The following RBFOX3 variants were observed in gnomAD, a reference collection of about 807,000 sequenced individuals.
The protein encoded by RBFOX3 is RNA binding protein fox-1 homolog 3.
A neutral mutation model predicts 48.7 loss-of-function variants in RBFOX3; 17 were observed. That is an observed-to-expected ratio of 0.35 (90% CI 0.24 to 0.52). The LOEUF is 0.52. RBFOX3 is among the 20% of genes least tolerant of loss of function. RBFOX3 has a pLI of 0.94. For synonymous variants in RBFOX3, 212 were observed against 209.5 expected (o/e 1.01, Z -0.10); for missense variants, 382 against 497.5 (o/e 0.77, Z 2.21).
chr17:79,113,910 G>A (rs990463489), intron 5 of RBFOX3, among the ~76,000 whole-genome samples: 6 of 152,160 alleles, frequency 3.9e-5, no homozygotes, highest in Non-Finnish European at 8.8e-5. Flanking sequence ...TGTGTCTGGT[G>A]GCCCCAGGTG....
In RBFOX3 at chr17:79,449,968, TA is replaced by T. The variant is rs535745724; in HGVS notation, c.-175+32485del. 4.5e-3 allele frequency among the ~76,000 whole-genome samples: 684 copies of T among 152,160 alleles called. 7 individuals are homozygous for T. The highest frequency in any genetic ancestry group is 0.016 in the African/African-American group (653 of 41,518). On this transcript the variant is annotated intron_variant, in intron 2 of 14. Transcript: ENST00000693108. ...TAATCACAGCTATCTCGTTTCCCAC[TA>T]GGGGGGAAGATGTTAGCACAGTGGA...
chr17:79,275,007 C>T lies in RBFOX3; in HGVS notation c.-74+32717G>A, dbSNP rs530668230. ...CCCCCGTCCCACCTCCATCATCCAC[C>T]AGCCCCAGAGCTAGGAGCCAAACTG... is the stretch of plus-strand genomic sequence containing the variant. On this transcript the variant is annotated intron_variant, in intron 3 of 14. Coordinates refer to ENST00000693108, the MANE Select transcript of RBFOX3 (RefSeq NM_001350451.2). Among the ~76,000 whole-genome samples, 3 of 149,534 alleles carry T rather than the reference C, an allele frequency of 2.0e-5. No homozygotes were observed. In the East Asian group the frequency reaches 6.0e-4, roughly 30 times the overall value.
chr17:79,624,260 C>T, the RBFOX3 span, among the ~76,000 whole-genome samples: 1 of 152,234 alleles, frequency 6.6e-6, no homozygotes, highest in East Asian at 1.9e-4. Context: ...TCTCCTTCCC[C>T]GAGACCCGTC....
Position 79,416,158 on chromosome 17 carries a change from C to T in RBFOX3, c.-175+66296G>A, listed in dbSNP as rs1433418460. Among the ~76,000 whole-genome samples the T allele has an allele frequency of 2.6e-5, 4 of 152,216 alleles. No homozygotes were observed. The East Asian group carries it at 7.7e-4, about 29-fold the overall frequency. On this transcript the variant is annotated intron_variant, in intron 2 of 14. Coordinates refer to ENST00000693108, the MANE Select transcript of RBFOX3 (RefSeq NM_001350451.2). ...CCCCCACAAGGCCAAGGGCTGCCAC[C>T]TGCACGGACAGGTCTCAGCTCACCT...
intron 2 of RBFOX3, among the ~76,000 whole-genome samples, chr17:79,312,516 AGT>A (rs1164893863): frequency 6.6e-6 from 1 of 151,996 alleles, no homozygotes; most frequent in Non-Finnish European, 1.5e-5. Flanking sequence ...GGAATGTCTG[AGT>A]GAGGATACTA....
chr17:79,396,087 A>G (rs1334469130), intron 2 of RBFOX3, among the ~76,000 whole-genome samples: 3 of 152,232 alleles, frequency 2.0e-5, no homozygotes, highest in African/African-American at 7.2e-5. Flanking sequence ...AACTCTGAGC[A>G]TCTCAAAAGT....
At chr17:79,125,780 T>C (rs115605026) in intron 4 of RBFOX3, among the ~76,000 whole-genome samples, 4,300 of 152,114 alleles carry the variant, frequency 0.028, 199 homozygotes, top group African/African-American at 0.096. Flanking sequence ...GTGAGGCTGG[T>C]GGCGAGGCTG....
chr17:79,574,599 T>C (rs894269428), intron 1 of RBFOX3, among the ~76,000 whole-genome samples: 2 of 152,226 alleles, frequency 1.3e-5, no homozygotes, highest in Admixed American at 6.5e-5. Flanking sequence ...AGAAAACTCA[T>C]GAATAATCCA....
intron 1 of RBFOX3, among the ~76,000 whole-genome samples, chr17:79,589,248 C>T (rs1054522168): frequency 2.1e-3 from 320 of 152,264 alleles, no homozygotes; most frequent in African/African-American, 7.4e-3. Context: ...TGGGTGTGGA[C>T]TCCGCAGGTG....
intron 2 of RBFOX3, among the ~76,000 whole-genome samples, chr17:79,356,778 A>T (rs1332537012): frequency 6.6e-6 from 1 of 152,130 alleles, no homozygotes; most frequent in Non-Finnish European, 1.5e-5. Flanking sequence ...GAGAGAGACC[A>T]AAGGTAAGAA....
chr17:79,382,809 C>T (rs371714651), intron 2 of RBFOX3, among the ~76,000 whole-genome samples: 22 of 152,298 alleles, frequency 1.4e-4, no homozygotes, highest in South Asian at 1.0e-3. Context: ...GCCATCCTGG[C>T]GTCCATGCTT....
At chr17:79,592,210 CAT>C (rs1478063583) in intron 1 of RBFOX3, among the ~76,000 whole-genome samples, 1 of 142,096 alleles carries the variant, frequency 7.0e-6, no homozygotes, top group Non-Finnish European at 1.5e-5. Context: ...CACATGCATG[CAT>C]GTGTGTGTGG....
rs569839453 is a variant in RBFOX3 at position 79,477,577 on chromosome 17, A to G, written c.-175+4877T>C. On this transcript the variant is annotated intron_variant, in intron 2 of 14. Coordinates refer to ENST00000693108, the MANE Select transcript of RBFOX3 (RefSeq NM_001350451.2). The surrounding 1 kb of genome is among the most constrained non-coding windows in gnomAD (Gnocchi z 4.8). ...TCACCGGAAAAAAAAAAAGAGGAGG[A>G]GGAGTAGGAAAAAAGGGTGAAACAG... Among the ~76,000 whole-genome samples, 137 of 149,658 alleles carry G rather than the reference A, an allele frequency of 9.2e-4. 2 individuals carry two copies. In the South Asian group the frequency reaches 0.019, roughly 21 times the overall value.
At chr17:79,193,242 G>C (rs764058196) in intron 4 of RBFOX3, among the ~76,000 whole-genome samples, 4 of 152,150 alleles carry the variant, frequency 2.6e-5, no homozygotes, top group East Asian at 3.9e-4. Flanking sequence ...GGGAGATTAC[G>C]CTCGGAAGCC....
intron 4 of RBFOX3, among the ~76,000 whole-genome samples, chr17:79,177,382 C>T (rs184297661): frequency 1.4e-4 from 21 of 152,368 alleles, no homozygotes; most frequent in African/African-American, 5.0e-4. Context: ...GGCTCAGCGT[C>T]TGCCCTGCAG....
intron 2 of RBFOX3, among the ~76,000 whole-genome samples, chr17:79,338,827 T>G (rs551086374): frequency 3.3e-5 from 5 of 152,296 alleles, no homozygotes; most frequent in African/African-American, 1.2e-4. Context: ...TGGAGACAAA[T>G]AAAGAGCTAG....
In RBFOX3 at chr17:79,526,852, G is replaced by A. The variant is rs1190309324; in HGVS notation, c.-319-44254C>T. Among the ~76,000 whole-genome samples, 3 of 152,358 alleles carry A rather than the reference G, an allele frequency of 2.0e-5. No individual in the cohort carries two copies. In the South Asian group the frequency reaches 6.2e-4, roughly 32 times the overall value. On this transcript the variant is annotated intron_variant, in intron 1 of 14. Coordinates refer to ENST00000693108, the MANE Select transcript of RBFOX3 (RefSeq NM_001350451.2). ...TTGGGTGAGGGAACTGAGTGTATGA[G>A]AGGGTTTGGAAAAAAACCATCGTGT...
At chr17:79,138,222 G>A (rs533288175) in intron 4 of RBFOX3, among the ~76,000 whole-genome samples, 6 of 152,150 alleles carry the variant, frequency 3.9e-5, no homozygotes, top group Admixed American at 2.0e-4. Context: ...GCACACATCC[G>A]TGTGCAACAC....
intron 3 of RBFOX3, among the ~76,000 whole-genome samples, chr17:79,259,138 C>A (rs1330581227): frequency 6.6e-6 from 1 of 152,264 alleles, no homozygotes; most frequent in Admixed American, 6.5e-5. Flanking sequence ...CAGCAGAGCA[C>A]TGGTGGGTAC....
Sources: allele counts gnomAD v4.1 joint callset (sites outside exome capture counted in the v4.1 genomes callset), GRCh38; gene constraint gnomAD v4.1.1; non-coding constraint Gnocchi (gnomAD v3.1); transcripts MANE v1.5; gene names NCBI Gene and HGNC (gene_info 2026-07-23, HGNC 2026-07-21).